REV3L: variants seen among roughly 807,000 people sequenced by gnomAD.
REV3L encodes DNA polymerase zeta catalytic subunit.
A neutral mutation model predicts 299.4 loss-of-function variants in REV3L; 69 were observed. The observed-to-expected ratio is 0.23, with a 90% confidence interval of 0.19 to 0.28. The LOEUF (loss-of-function observed/expected upper bound fraction) is 0.28. Among genes scored for constraint, REV3L ranks in the 10% least tolerant of loss-of-function variants. The pLI is 1.00. For synonymous variants in REV3L, 1,238 were observed against 1,271.4 expected, an observed-to-expected ratio of 0.97 and a Z score of 0.56; for missense variants, 3,128 against 3,693.8, an observed-to-expected ratio of 0.85 and a Z score of 3.97.
chr6:111,461,292 T>C (rs1271116470), intron 1 of REV3L, among the ~76,000 whole-genome samples: 1 of 152,118 alleles, frequency 6.6e-6, no homozygotes, highest in Non-Finnish European at 1.5e-5. Context: ...TGTATTTGCG[T>C]CTTAGTTTTT....
chr6:111,422,645 T>C lies in REV3L; in HGVS notation c.140-6173A>G, dbSNP rs1420155193. Among the ~76,000 whole-genome samples, 6 of 25,706 alleles carry C rather than the reference T, an allele frequency of 2.3e-4. 1 individual carries two copies. Among genetic ancestry groups the C allele is most frequent in the Non-Finnish European group, 3.3e-4 (2 of 6,000 alleles). The allele number at this position is 25,706 out of a possible 152,430, so 16.9% of individuals were successfully genotyped here. On this transcript the variant is annotated intron_variant, in intron 1 of 31. Coordinates refer to ENST00000368802, the MANE Select transcript of REV3L (RefSeq NM_001372078.1). ...ATATATATATACACATATATATATATATACATATATATATATACATATATA... is the reference window on the plus strand; with the variant it reads ...ATATATATATACACATATATATATACATACATATATATATATACATATATA...
intron 31 of REV3L, among the ~76,000 whole-genome samples, 159 bp downstream of exon 31, chr6:111,307,202 G>A (rs954552398): frequency 6.6e-6 from 1 of 152,096 alleles, no homozygotes; most frequent in Non-Finnish European, 1.5e-5. Context: ...ATTATTAATA[G>A]TTTATGATAT....
chr6:111,342,323 G>A (rs1776576463), intron 21 of REV3L, among the ~76,000 whole-genome samples: 1 of 152,134 alleles, frequency 6.6e-6, no homozygotes, highest in African/African-American at 2.4e-5. Context: ...ACAAAGCAGA[G>A]GTCTGTTGCC....
intron 4 of REV3L, among the ~76,000 whole-genome samples, chr6:111,402,832 A>C (rs1339438376): frequency 6.6e-6 from 1 of 152,172 alleles, no homozygotes; most frequent in African/African-American, 2.4e-5. Context: ...ATTTTAAGAG[A>C]AGTAGAAGGG....
At chr6:111,468,612 A>C (rs1032556156) in intron 1 of REV3L, among the ~76,000 whole-genome samples, 2 of 152,214 alleles carry the variant, frequency 1.3e-5, no homozygotes, top group Non-Finnish European at 2.9e-5. Flanking sequence ...CAATGATCAA[A>C]ACATTTGAGA....
At chr6:111,307,340 G>C (rs1772429728) in intron 31 of REV3L, 21 bp downstream of exon 31, 3 of 1,600,430 alleles carry the variant, frequency 1.9e-6, no homozygotes, top group Non-Finnish European at 2.6e-6. Context: ...GTGATTCTGG[G>C]CCCATGGAAC....
chr6:111,425,053 G>A (rs1035841204), intron 1 of REV3L, among the ~76,000 whole-genome samples: 2 of 152,262 alleles, frequency 1.3e-5, no homozygotes, highest in Middle Eastern at 3.4e-3. Flanking sequence ...TTGATCTTGA[G>A]GCTCTGCCCC....
chr6:111,333,215 G>T lies in REV3L; in HGVS notation c.7833C>A (p.Leu2611=). 6.2e-7 allele frequency: 1 copy of T among 1,614,132 alleles called. No individual in the cohort carries two copies. Among genetic ancestry groups the T allele is most frequent in the Non-Finnish European group, 8.5e-7 (1 of 1,180,006 alleles). The change falls in exon 23 of 32, where the codon CTC becomes CTA. Residue 2611 remains leucine (L), a synonymous_variant. Coordinates refer to ENST00000368802, the MANE Select transcript of REV3L (RefSeq NM_001372078.1). ...GATAAAGTGATTGGAAATCCAAAAC[G>T]AGAACAGAGTTGCTATAGAAGCGGG... The part of the protein sequence containing the change: ...PESRFYSNSV[L]VLDFQSLYPS...
Position 111,299,978 on chromosome 6 carries a change from GA to G in REV3L, c.*37del, listed in dbSNP as rs769830340. On this transcript the variant is annotated 3_prime_UTR_variant, in exon 32 of 32. Coordinates refer to ENST00000368802, the MANE Select transcript of REV3L (RefSeq NM_001372078.1). ...GCACAACAGTTTAGTGGTAAGCACT[GA>G]AAAAAATAGCACCTGTAATACTGTG... 7 of 1,587,618 alleles carry G rather than the reference GA, an allele frequency of 4.4e-6. No homozygotes were observed. The highest frequency in any genetic ancestry group is 2.6e-6 in the Non-Finnish European group (3 of 1,167,592).
intron 4 of REV3L, among the ~76,000 whole-genome samples, chr6:111,405,189 C>G (rs188962130): frequency 5.3e-5 from 8 of 151,806 alleles, no homozygotes; most frequent in African/African-American, 1.9e-4. Flanking sequence ...AGAACTAAAC[C>G]CACAATACCT....
chr6:111,430,764 C>G (rs879165374), intron 1 of REV3L: 3 of 1,596,742 alleles, frequency 1.9e-6, no homozygotes, highest in Admixed American at 3.3e-5. Context: ...TTAGAGAGAG[C>G]GCAGGAGCAG....
chr6:111,427,511 T>C (rs1786322010), intron 1 of REV3L, among the ~76,000 whole-genome samples: 2 of 152,132 alleles, frequency 1.3e-5, no homozygotes, highest in South Asian at 4.1e-4. Context: ...GACACGATCA[T>C]GAGCAATATC....
At chr6:111,394,497 T>C (rs779934873) in intron 4 of REV3L, among the ~76,000 whole-genome samples, 4 of 152,198 alleles carry the variant, frequency 2.6e-5, no homozygotes, top group Non-Finnish European at 4.4e-5. Context: ...GTTCCTTACA[T>C]ATTCTGGAGA....
intron 1 of REV3L, among the ~76,000 whole-genome samples, chr6:111,449,047 G>C (rs1789198662): frequency 6.6e-6 from 1 of 152,162 alleles, no homozygotes; most frequent in South Asian, 2.1e-4. Flanking sequence ...AAACACTTTG[G>C]AGAGGATTTA....
At chr6:111,431,145 C>G in intron 1 of REV3L, 1 of 1,525,620 alleles carries the variant, frequency 6.6e-7, no homozygotes, top group Non-Finnish European at 9.1e-7. Flanking sequence ...ATCTTCCAAG[C>G]GATCTCAGCA....
At chr6:111,368,176 T>A in intron 13 of REV3L, 148 bp from the exon 14 acceptor site, 1 of 654,146 alleles carries the variant, frequency 1.5e-6, no homozygotes, top group Non-Finnish European at 2.5e-6. Context: ...GCAGGTACAT[T>A]CTATCTTTAG....
At chr6:111,355,861 C>G (rs1352765962) in intron 18 of REV3L, among the ~76,000 whole-genome samples, 1 of 152,100 alleles carries the variant, frequency 6.6e-6, no homozygotes, top group Non-Finnish European at 1.5e-5. Flanking sequence ...GTAGGACTGA[C>G]AATGACAAGA....
intron 4 of REV3L, among the ~76,000 whole-genome samples, chr6:111,395,446 T>A (rs1459486100): frequency 6.6e-6 from 1 of 152,228 alleles, no homozygotes; most frequent in African/African-American, 2.4e-5. Context: ...GTTAAATTTA[T>A]TACTATTCTT....
At chr6:111,431,644 A>G (rs978323578) in intron 1 of REV3L, 59 of 822,596 alleles carry the variant, frequency 7.2e-5, no homozygotes, top group Non-Finnish European at 1.2e-4. Context: ...AGGTGATATC[A>G]TAAGCACATA....
Sources: allele counts gnomAD v4.1 joint callset (sites outside exome capture counted in the v4.1 genomes callset), GRCh38; gene constraint gnomAD v4.1.1; transcripts MANE v1.5; gene names NCBI Gene and HGNC (gene_info 2026-07-23, HGNC 2026-07-21).